The following NBPF14 variants were observed in gnomAD, a reference collection of about 807,000 sequenced individuals.
NBPF14 encodes NBPF family member NBPF14.
Under a neutral mutation model 91.2 loss-of-function variants are expected in NBPF14, and 104 were observed. That is an observed-to-expected ratio of 1.14 (90% CI 0.97 to 1.34). The LOEUF (loss-of-function observed/expected upper bound fraction) is 1.34. NBPF14 is among the 40% of genes most tolerant of loss of function. The pLI is 0.00. For missense variants in NBPF14, 908 were observed against 783.0 expected (o/e 1.16, Z -1.91); for synonymous variants, 294 against 303.8 (o/e 0.97, Z 0.34).
exon 3 of NBPF14, chr1:148,593,672 T>G (rs1288852849): frequency 1.3e-6 from 2 of 1,544,238 alleles, no homozygotes; most frequent in African/African-American, 2.7e-5. Flanking sequence ...TCAGCATAAA[T>G]TTTATGAGGT....
At chr1:148,584,013 CTG>C (rs1661143859) in intron 11 of NBPF14, among the ~76,000 whole-genome samples, 1 of 149,480 alleles carries the variant, frequency 6.7e-6, no homozygotes, top group South Asian at 2.1e-4. Flanking sequence ...TTCAGGGTGA[CTG>C]TGCAGCTAAG....
At chr1:148,561,782 C>A (rs1286117502) in intron 34 of NBPF14, among the ~76,000 whole-genome samples, 2 of 119,660 alleles carry the variant, frequency 1.7e-5, no homozygotes, top group South Asian at 2.8e-4. Context: ...GATAGACACA[C>A]ACACACACAC....
rs1659253141 is a variant in NBPF14 at position 148,572,509 on chromosome 1, G to A, written c.2692C>T (p.Gln898Ter). The stretch of plus-strand genomic sequence containing the variant: ...GAGTAAACAGCACTGCTGTAGGGCT[G>A]GCCTAAGTCAGGCAGTTCAAGATAA... Residue 898 changes from glutamine (Q) to a stop codon, truncating the protein, a stop_gained, in exon 21 of 71, where the codon CAG (glutamine) becomes TAG (stop). Coordinates refer to ENST00000619423, the Ensembl canonical transcript of NBPF14. LOFTEE classifies it high-confidence loss of function. 4 of 602,168 alleles carry A rather than the reference G, an allele frequency of 6.6e-6. No homozygotes were observed. The highest frequency in any genetic ancestry group is 3.7e-5 in the African/African-American group (1 of 26,668). 37.3% of individuals were successfully genotyped at this position (602,168 alleles called of 1,614,324 possible). A position where few individuals can be genotyped will look rare whatever the true frequency, so the allele number is the denominator to read the frequency against.
At chr1:148,532,489 T>A (rs1465558340) in exon 71 of NBPF14, 2 of 147,960 alleles carry the variant, frequency 1.4e-5, no homozygotes, top group South Asian at 2.1e-4. Flanking sequence ...GTCTAGCGGG[T>A]TAACAATTGT....
chr1:148,534,890 G>C, intron 68 of NBPF14, 34 bp from the exon 69 acceptor site: 2 of 717,364 alleles, frequency 2.8e-6, no homozygotes, highest in Non-Finnish European at 2.5e-6. Flanking sequence ...GAATAAGCCA[G>C]GGGGAATCAG....
intron 14 of NBPF14, among the ~76,000 whole-genome samples, chr1:148,577,660 C>G (rs1159329782): frequency 1.8e-4 from 27 of 148,858 alleles, no homozygotes; most frequent in Non-Finnish European, 2.8e-4. Flanking sequence ...TATTTGTGCT[C>G]TCAGGACACA....
In NBPF14 at chr1:148,589,868, G is replaced by A. The variant is rs1441230339; in HGVS notation, c.779-475C>T. ...ATCCCTCAGCCTGCCAAGCATCTGGGATTACAAGCGCCAAGTAACATGCCA... is the reference window on the plus strand; with the variant it reads ...ATCCCTCAGCCTGCCAAGCATCTGGAATTACAAGCGCCAAGTAACATGCCA... On this transcript the variant is annotated intron_variant, in intron 6 of 70. Transcript: ENST00000619423. Among the ~76,000 whole-genome samples the A allele has an allele frequency of 5.9e-3, 868 of 147,806 alleles. 34 individuals carry two copies. The highest frequency in any genetic ancestry group is 0.02 in the African/African-American group (827 of 40,818).
Position 148,559,810 on chromosome 1 carries a change from A to T in NBPF14, c.4712T>A (p.Leu1571Ter), listed in dbSNP as rs1657393718. ...GTACTCACCATCCATGTCAACAGCCAAGCCAACACGCTGCTGCTCCAATAT... is the reference window on the plus strand; with the variant it reads ...GTACTCACCATCCATGTCAACAGCCTAGCCAACACGCTGCTGCTCCAATAT... Residue 1571 changes from leucine (L) to a stop codon, truncating the protein, a stop_gained, in exon 37 of 71, where the codon TTG becomes TAG. Coordinates refer to ENST00000619423, the Ensembl canonical transcript of NBPF14. LOFTEE classifies it high-confidence loss of function. 5 of 1,530,718 alleles carry T rather than the reference A, an allele frequency of 3.3e-6. No individual in the cohort carries two copies. The highest frequency in any genetic ancestry group is 3.5e-6 in the Non-Finnish European group (4 of 1,143,996). 94.8% of individuals were successfully genotyped at this position (1,530,718 alleles called of 1,614,324 possible). A position where few individuals can be genotyped will look rare whatever the true frequency, so the allele number is the denominator to read the frequency against.
rs1655370855 is a variant in NBPF14, at chr1:148,538,280, C to A, written c.7935-274G>T. On this transcript the variant is annotated intron_variant, in intron 64 of 70. Coordinates refer to ENST00000619423, the Ensembl canonical transcript of NBPF14. ...GAGAGAACGAGCTCAGTGAATTGTC[C>A]AGGTGACACACTGATGAGGGAGTAA... is the stretch of plus-strand genomic sequence containing the variant. Among the ~76,000 whole-genome samples, 2 of 55,714 alleles carry A rather than the reference C, an allele frequency of 3.6e-5. 1 individual carries two copies. The allele number at this position is 55,714 out of a possible 152,430, so 36.6% of individuals were successfully genotyped here. A position where few individuals can be genotyped will look rare whatever the true frequency, so the allele number is the denominator to read the frequency against.
intron 14 of NBPF14, among the ~76,000 whole-genome samples, chr1:148,577,589 C>G (rs1432934837): frequency 2.7e-5 from 4 of 150,004 alleles, no homozygotes; most frequent in South Asian, 2.1e-4. Context: ...CACACACACA[C>G]AGAGCGAGGT....
chr1:148,585,187 C>T (rs1661307897), exon 10 of NBPF14: 1 of 1,583,166 alleles, frequency 6.3e-7, no homozygotes, highest in Admixed American at 1.7e-5. Flanking sequence ...TCAACTTGAA[C>T]ATCTTCATCG....
chr1:148,535,095 C>G (rs1224708399), intron 68 of NBPF14, among the ~76,000 whole-genome samples: 1 of 145,812 alleles, frequency 6.9e-6, no homozygotes, highest in Non-Finnish European at 1.5e-5. Flanking sequence ...AGCGAATTGG[C>G]CGGGTGACAC....
chr1:148,572,553 C>A, exon 21 of NBPF14: 1 of 658,782 alleles, frequency 1.5e-6, no homozygotes, highest in Non-Finnish European at 2.7e-6. Flanking sequence ...AGTCGAATAA[C>A]ATCTATCCAG....
At chr1:148,551,767 C>T (rs1656248214) in intron 47 of NBPF14, among the ~76,000 whole-genome samples, 1 of 18,998 alleles carries the variant, frequency 5.3e-5, no homozygotes, top group African/African-American at 4.1e-4. Context: ...CAGGTATGGC[C>T]TGAGACTAGG....
rs1293418613 is a variant in NBPF14 at position 148,587,236 on chromosome 1, T to C, written c.1091+65A>G. The C allele has an allele frequency of 1.8e-4, 249 of 1,373,386 alleles. 6 individuals carry two copies. In the African/African-American group the frequency reaches 1.9e-3, roughly 11 times the overall value. The allele number at this position is 1,373,386 out of a possible 1,614,324, so 85.1% of individuals were successfully genotyped here. Reference sequence around the variant, plus strand: ...CAGCTGAGCTCTTACGTCTCCCCACTGAGCTGCTGTACTTCAGAGATTTAC... The same window carrying C: ...CAGCTGAGCTCTTACGTCTCCCCACCGAGCTGCTGTACTTCAGAGATTTAC... On this transcript the variant is annotated intron_variant, in intron 8 of 70. Transcript: ENST00000619423.
At chr1:148,590,492 CAGCACCAT>C (rs1454529793) in intron 6 of NBPF14, among the ~76,000 whole-genome samples, 1 of 103,540 alleles carries the variant, frequency 9.7e-6, no homozygotes, top group Admixed American at 1.0e-4. Flanking sequence ...TATAGGCGTG[CAGCACCAT>C]GCCTGCCTAA....
intron 39 of NBPF14, among the ~76,000 whole-genome samples, chr1:148,557,807 G>A (rs1211216985): frequency 4.7e-5 from 5 of 106,488 alleles, no homozygotes; most frequent in Non-Finnish European, 7.1e-5. Context: ...ATGCTTTATT[G>A]TTCCCATCAG....
chr1:148,559,411 C>A lies in NBPF14; in HGVS notation c.4730-339G>T, dbSNP rs1217643787. Among the ~76,000 whole-genome samples, 81 of 134,210 alleles carry A rather than the reference C, an allele frequency of 6.0e-4. 13 individuals carry two copies. The South Asian group carries it at 0.013, about 21-fold the overall frequency. The allele number at this position is 134,210 out of a possible 152,430, so 88.0% of individuals were successfully genotyped here. A position where few individuals can be genotyped will look rare whatever the true frequency, so the allele number is the denominator to read the frequency against. ...AGAAAAACTGCACTATTCACCCTGT[C>A]TCATCAAATACTCAGATTGTTCATG... On this transcript the variant is annotated intron_variant, in intron 37 of 70. Transcript: ENST00000619423.
Position 148,557,713 on chromosome 1 carries a change from G to T in NBPF14, c.4955-171C>A, listed in dbSNP as rs1175509390. Among the ~76,000 whole-genome samples the T allele has an allele frequency of 1.5e-5, 2 of 130,172 alleles. 1 individual carries two copies. Among genetic ancestry groups the T allele is most frequent in the African/African-American group, 7.1e-5 (2 of 28,350 alleles). 85.4% of individuals were successfully genotyped at this position (130,172 alleles called of 152,430 possible). On this transcript the variant is annotated intron_variant, in intron 39 of 70. Coordinates refer to ENST00000619423, the Ensembl canonical transcript of NBPF14. ...AGCTGGTCATGATATTCCTTGCTTT[G>T]CATCTCAGAACCAAGGGTGAAATAT...
Sources: allele counts gnomAD v4.1 joint callset (sites outside exome capture counted in the v4.1 genomes callset), GRCh38; gene constraint gnomAD v4.1.1; transcripts MANE v1.5; gene names NCBI Gene and HGNC (gene_info 2026-07-23, HGNC 2026-07-21).